Variants in ST3GAL4 observed in about 807,000 individuals in gnomAD.
ST3GAL4 encodes the protein CMP-N-acetylneuraminate-beta-galactosamide-alpha-2,3-sialyltransferase 4.
In ST3GAL4, 24 loss-of-function variants were observed where a neutral mutation model predicts 42.6. That is an observed-to-expected ratio of 0.56 (90% CI 0.41 to 0.79). The LOEUF (loss-of-function observed/expected upper bound fraction) is 0.79. Among genes scored for constraint, ST3GAL4 ranks in the 30% least tolerant of loss-of-function variants. ST3GAL4 has a pLI of 0.00. For synonymous variants in ST3GAL4, 135 were observed against 163.2 expected (o/e 0.83, Z 1.32); for missense variants, 311 against 430.8 (o/e 0.72, Z 2.46).
At chr11:126,388,272 A>G (rs1482934511) in intron 1 of ST3GAL4, among the ~76,000 whole-genome samples, 1 of 152,176 alleles carries the variant, frequency 6.6e-6, no homozygotes, top group African/African-American at 2.4e-5. Flanking sequence ...CTTATTTGCC[A>G]TTCATTTCTT....
Position 126,406,438 on chromosome 11 carries a change from G to A in ST3GAL4, c.17-35G>A. ...TGGACGGGGGTTGTACCTGCCTGTT[G>A]CTGCCTCTAGCTCCTCTCTGCATGT... On this transcript the variant is annotated intron_variant, in intron 2 of 10. Coordinates refer to ENST00000444328, the MANE Select transcript of ST3GAL4 (RefSeq NM_001254757.2). This position sits in a 1 kb window ranked among gnomAD's most constrained non-coding sequence, Gnocchi z 5.4. 2 of 1,614,016 alleles carry A rather than the reference G, an allele frequency of 1.2e-6. No individual in the cohort carries two copies. Among genetic ancestry groups the A allele is most frequent in the Non-Finnish European group, 1.7e-6 (2 of 1,179,988 alleles).
Position 126,392,960 on chromosome 11 carries a change from C to CTTT in ST3GAL4, c.-60-13120_-60-13118dup, listed in dbSNP as rs34002567. ...ATTTGTAACACGACCAACTCCTGTT[C>CTTT]TTTTTTTTTTTTTTTTTTGAGACAG... On this transcript the variant is annotated intron_variant, in intron 1 of 10. Coordinates refer to ENST00000444328, the MANE Select transcript of ST3GAL4 (RefSeq NM_001254757.2). The surrounding 1 kb of genome is among the most constrained non-coding windows in gnomAD (Gnocchi z 5.8). Among the ~76,000 whole-genome samples, 45 of 127,806 alleles carry CTTT rather than the reference C, an allele frequency of 3.5e-4. No individual in the cohort carries two copies. Among genetic ancestry groups the CTTT allele is most frequent in the African/African-American group, 1.1e-3 (37 of 33,480 alleles). 83.8% of individuals were successfully genotyped at this position (127,806 alleles called of 152,430 possible).
chr11:126,391,581 T>C lies in ST3GAL4; in HGVS notation c.-60-14515T>C, dbSNP rs903856882. Among the ~76,000 whole-genome samples the C allele has an allele frequency of 6.6e-6, 1 of 152,198 alleles. No individual in the cohort carries two copies. Among genetic ancestry groups the C allele is most frequent in the Admixed American group, 6.5e-5 (1 of 15,280 alleles). On this transcript the variant is annotated intron_variant, in intron 1 of 10. Coordinates refer to ENST00000444328, the MANE Select transcript of ST3GAL4 (RefSeq NM_001254757.2). The surrounding 1 kb of genome is among the most constrained non-coding windows in gnomAD (Gnocchi z 5.5). The stretch of plus-strand genomic sequence containing the variant: ...CCAAGAATGAGTCCTTGAGTCTGTC[T>C]CAGTAGGTGGATCTGCATTCAGTGC...
In ST3GAL4 at chr11:126,411,385, G is replaced by A. The variant is rs754641201; in HGVS notation, c.771+1974G>A. On this transcript the variant is annotated intron_variant, in intron 9 of 10. Transcript: ENST00000444328. The surrounding 1 kb of genome is among the most constrained non-coding windows in gnomAD (Gnocchi z 6.3). The stretch of plus-strand genomic sequence containing the variant: ...ACTCCTGACCTTAGGTGATCTACCC[G>A]CCTCGGCCTCCCAAAGTGCTGGGAT... 2.2e-4 allele frequency among the ~76,000 whole-genome samples: 34 copies of A among 152,180 alleles called. No homozygotes were observed. Among genetic ancestry groups the A allele is most frequent in the African/African-American group, 7.2e-4 (30 of 41,510 alleles).
intron 1 of ST3GAL4, among the ~76,000 whole-genome samples, chr11:126,371,475 A>G (rs890073976): frequency 3.9e-5 from 6 of 152,116 alleles, no homozygotes; most frequent in East Asian, 1.9e-4. Flanking sequence ...TTCTTTCATC[A>G]TACACATAAG....
rs552609722 is a variant in ST3GAL4 at position 126,375,071 on chromosome 11, G to T, written c.-61+19229G>T. On this transcript the variant is annotated intron_variant, in intron 1 of 10. Transcript: ENST00000444328. ...CAGCCCAGGCCCGCGCTGAAGTTCG[G>T]CAGGGAAGCCAGAGGAGTCCGCAGC... 3 of 152,454 alleles carry T rather than the reference G, an allele frequency of 2.0e-5. No homozygotes were observed. The South Asian group carries it at 6.2e-4, about 32-fold the overall frequency. The allele number at this position is 152,454 out of a possible 1,614,324, so 9.4% of individuals were successfully genotyped here.
At chr11:126,365,385 G>C (rs1255014923) in intron 1 of ST3GAL4, among the ~76,000 whole-genome samples, 2 of 152,178 alleles carry the variant, frequency 1.3e-5, no homozygotes, top group African/African-American at 2.4e-5. Flanking sequence ...AGATTACGCA[G>C]GGCATGGTGT....
chr11:126,387,264 C>T (rs1953261491), intron 1 of ST3GAL4, among the ~76,000 whole-genome samples: 1 of 152,228 alleles, frequency 6.6e-6, no homozygotes, highest in Admixed American at 6.5e-5. Flanking sequence ...GTCGTTTGCA[C>T]TCACACAAGT....
chr11:126,374,454 CAAAAAAAA>C (rs869295718), intron 1 of ST3GAL4, among the ~76,000 whole-genome samples: 242 of 63,220 alleles, frequency 3.8e-3, no homozygotes, highest in African/African-American at 0.012. Flanking sequence ...ACTTTGTCTC[CAAAAAAAA>C]AAAAAAAAAA....
At chr11:126,361,874 A>G (rs1952255117) in intron 1 of ST3GAL4, among the ~76,000 whole-genome samples, 1 of 151,430 alleles carries the variant, frequency 6.6e-6, no homozygotes, top group Non-Finnish European at 1.5e-5. Context: ...TCTCCGAGAA[A>G]TTAACACTTC....
chr11:126,413,774 G>C (rs1954630207), intron 10 of ST3GAL4, 126 bp downstream of exon 10: 1 of 1,475,184 alleles, frequency 6.8e-7, no homozygotes, highest in Non-Finnish European at 9.2e-7. Context: ...CTGGAACCGA[G>C]GCACCTGGAC....
chr11:126,408,074 T>G, intron 6 of ST3GAL4, 25 bp from the exon 7 acceptor site: 1 of 1,611,678 alleles, frequency 6.2e-7, no homozygotes, highest in Admixed American at 1.7e-5. Context: ...TGGGGTGACA[T>G]AGACCACTCC....
Position 126,384,667 on chromosome 11 carries a change from G to A in ST3GAL4, c.-60-21429G>A, listed in dbSNP as rs1042659605. Reference sequence around the variant, plus strand: ...TGCTACACCCAGACAGACAGATGGAGAGCCACCTCCCTAGGGGCCTCCTCC... The same window carrying A: ...TGCTACACCCAGACAGACAGATGGAAAGCCACCTCCCTAGGGGCCTCCTCC... On this transcript the variant is annotated intron_variant, in intron 1 of 10. Coordinates refer to ENST00000444328, the MANE Select transcript of ST3GAL4 (RefSeq NM_001254757.2). The surrounding 1 kb of genome is among the most constrained non-coding windows in gnomAD (Gnocchi z 5.5). 4.2e-5 allele frequency: 41 copies of A among 985,120 alleles called. No individual in the cohort carries two copies. The African/African-American group carries it at 5.1e-4, about 12-fold the overall frequency. The allele number at this position is 985,120 out of a possible 1,614,324, so 61.0% of individuals were successfully genotyped here.
chr11:126,368,644 A>C (rs1216369312), intron 1 of ST3GAL4, among the ~76,000 whole-genome samples: 1 of 152,214 alleles, frequency 6.6e-6, no homozygotes, highest in Non-Finnish European at 1.5e-5. Context: ...GCTGGACAAA[A>C]GGTGGCTGGA....
rs909486335 is a variant in ST3GAL4 at position 126,378,565 on chromosome 11, G to A, written c.-61+22723G>A. Among the ~76,000 whole-genome samples, 2 of 151,922 alleles carry A rather than the reference G, an allele frequency of 1.3e-5. No individual in the cohort carries two copies. Among genetic ancestry groups the A allele is most frequent in the African/African-American group, 2.4e-5 (1 of 41,374 alleles). On this transcript the variant is annotated intron_variant, in intron 1 of 10. Coordinates refer to ENST00000444328, the MANE Select transcript of ST3GAL4 (RefSeq NM_001254757.2). The surrounding 1 kb of genome is among the most constrained non-coding windows in gnomAD (Gnocchi z 5.3). ...CTGGGACTACAGGCACCACCACCACGCCCAGCTATTTTTTTGTATTTTTAG... is the reference window on the plus strand; with the variant it reads ...CTGGGACTACAGGCACCACCACCACACCCAGCTATTTTTTTGTATTTTTAG...
In ST3GAL4 at chr11:126,371,163, C is replaced by CTTATTTTTTTTTTTTTTTTT. The variant is rs1555082244; in HGVS notation, c.-61+15323_-61+15324insATTTTTTTTTTTTTTTTTTT. On this transcript the variant is annotated intron_variant, in intron 1 of 10. Coordinates refer to ENST00000444328, the MANE Select transcript of ST3GAL4 (RefSeq NM_001254757.2). ...ATCTATTCTATTCTTCCCCACATTC[C>CTTATTTTTTTTTTTTTTTTT]TTTTTTTTTTTTTTTTTTTGAGATG... Among the ~76,000 whole-genome samples the CTTATTTTTTTTTTTTTTTTT allele has an allele frequency of 4.8e-3, 287 of 59,962 alleles. 40 individuals carry two copies. The highest frequency in any genetic ancestry group is 0.01 in the South Asian group (12 of 1,150). 39.3% of individuals were successfully genotyped at this position (59,962 alleles called of 152,430 possible). A position where few individuals can be genotyped will look rare whatever the true frequency, so the allele number is the denominator to read the frequency against.
chr11:126,407,249 C>A lies in ST3GAL4; in HGVS notation c.183-3C>A, dbSNP rs762116253. On this transcript the variant is annotated splice_region_variant and splice_polypyrimidine_tract_variant and intron_variant, in intron 4 of 10. Transcript: ENST00000444328. The stretch of plus-strand genomic sequence containing the variant: ...TCCCCACCCGGCTTTCACCTCTGTG[C>A]AGCTACTCCCGGGATCAGCCCATCT... 9.3e-6 allele frequency: 15 copies of A among 1,614,132 alleles called. No individual in the cohort carries two copies. Among genetic ancestry groups the A allele is most frequent in the Non-Finnish European group, 1.1e-5 (13 of 1,179,980 alleles).
intron 6 of ST3GAL4, 29 bp downstream of exon 6, chr11:126,407,663 G>T (rs1954306406): frequency 1.9e-6 from 3 of 1,612,252 alleles, no homozygotes; most frequent in East Asian, 4.5e-5. Context: ...TCCAGTCTGG[G>T]CACCTTCTCC....
intron 1 of ST3GAL4, among the ~76,000 whole-genome samples, chr11:126,362,387 A>G (rs1952273936): frequency 6.6e-6 from 1 of 151,498 alleles, no homozygotes; most frequent in Non-Finnish European, 1.5e-5. Context: ...TTTAGTAGAG[A>G]TGGGGGTCTC....
Sources: gnomAD v4.1 joint callset for allele counts (sites outside exome capture counted in the v4.1 genomes callset) on GRCh38, gnomAD v4.1.1 for gene constraint, Gnocchi (gnomAD v3.1) non-coding constraint, MANE v1.5 for transcripts, NCBI Gene and HGNC (gene_info 2026-07-23, HGNC 2026-07-21) for gene names.